IGFLR1: variants seen among roughly 807,000 people sequenced by gnomAD.
The protein encoded by IGFLR1 is IGF like family receptor 1.
IGFLR1 carries 17 observed loss-of-function variants against 23.4 expected under a neutral mutation model. The ratio of observed to expected loss-of-function variants is 0.73; its 90% CI spans 0.50 to 1.09. The LOEUF (loss-of-function observed/expected upper bound fraction) is 1.09, where lower values mean the gene tolerates loss of function less well. Ranked by LOEUF, IGFLR1 falls within the 50% of genes least tolerant of loss-of-function variation. The probability of loss-of-function intolerance (pLI) is 0.00; values close to 1 mark genes in which losing one functional copy is unlikely to be tolerated. For missense variants in IGFLR1, 556 were observed against 459.2 expected (o/e 1.21, Z -1.93); for synonymous variants, 265 against 210.7 (o/e 1.26, Z -2.23).
chr19:35,741,657 CAA>C (rs35356311), intron 1 of IGFLR1: 17,001 of 86,230 alleles, frequency 0.2, 1,224 homozygotes, highest in Middle Eastern at 0.44. Flanking sequence ...CCCATCTTTA[CAA>C]AAAAAAAAAA....
Position 35,740,540 on chromosome 19 carries a change from C to T in IGFLR1, c.182G>A (p.Gly61Glu), listed in dbSNP as rs979679876. ...CPDYEFRENCGLNDHGDFVTP... is the reference protein window; with the variant it reads ...CPDYEFRENCELNDHGDFVTP... ...TACGAAATCGCCGTGGTCATTGAGT[C>T]CGCAGTTTTCCCGGAACTCATAGTC... is the stretch of plus-strand genomic sequence containing the variant. Residue 61 changes from glycine (G) to glutamate (E), a missense_variant, in exon 3 of 5, where the codon GGA becomes GAA. Physicochemically the swap from Gly to Glu is moderately conservative, Grantham distance 98. Transcript: ENST00000246532. 1 of 1,609,326 alleles carries T rather than the reference C, an allele frequency of 6.2e-7. No individual in the cohort carries two copies.
At position 35,740,367 on chromosome 19, in the gene IGFLR1, G is replaced by A. The variant is rs1358443690; in HGVS notation, c.342+13C>T. 4.5e-6 allele frequency: 7 copies of A among 1,560,608 alleles called. No individual in the cohort carries two copies. Among genetic ancestry groups the A allele is most frequent in the Non-Finnish European group, 4.3e-6 (5 of 1,154,190 alleles). ...CCAGCACGCCCTTGCCCTGCCGGGA[G>A]TCCCATCTGCACCTCTCTGCAGCGC... On this transcript the variant is annotated intron_variant, in intron 3 of 4. Transcript: ENST00000246532.
chr19:35,740,565 C>G lies in IGFLR1; in HGVS notation c.158-1G>C. ...CCGCAGTTTTCCCGGAACTCATAGT[C>G]TAGCGGGAAAGCTGCGCTCCAGTGC... is the stretch of plus-strand genomic sequence containing the variant. On this transcript the variant is annotated splice_acceptor_variant, in intron 2 of 4. Transcript: ENST00000246532. LOFTEE classifies it high-confidence loss of function. The G allele has an allele frequency of 6.3e-7, 1 of 1,599,646 alleles. No homozygotes were observed. The highest frequency in any genetic ancestry group is 8.5e-7 in the Non-Finnish European group (1 of 1,172,090).
intron 2 of IGFLR1, 29 bp downstream of exon 2, chr19:35,740,995 C>A: frequency 6.2e-7 from 1 of 1,607,234 alleles, no homozygotes; most frequent in Non-Finnish European, 8.5e-7. Flanking sequence ...CAAGCTCCGC[C>A]CAAGCAAGGC....
At position 35,739,937 on chromosome 19, in the gene IGFLR1, A is replaced by G; in HGVS notation, c.494T>C (p.Val165Ala). The change falls in exon 4 of 5, where the codon GTG becomes GCG. Residue 165 changes from valine to alanine, a missense_variant. Coordinates refer to ENST00000246532, the MANE Select transcript of IGFLR1 (RefSeq NM_024660.4). ...QQAWPNFLPL[V>A]VLVLLLTLAV... is the part of the protein sequence containing the mutation. ...CAAGGTCAGGAGCAGGACCAGCACC[A>G]CGAGCGGAAGGAAATTCGGCCAGGC... The G allele has an allele frequency of 6.2e-7, 1 of 1,614,144 alleles. No homozygotes were observed. Among genetic ancestry groups the G allele is most frequent in the Non-Finnish European group, 8.5e-7 (1 of 1,180,020 alleles).
chr19:35,739,972 G>C lies in IGFLR1; in HGVS notation c.459C>G (p.Val153=), dbSNP rs1377900710. The C allele has an allele frequency of 1.9e-6, 3 of 1,614,032 alleles. No homozygotes were observed. The African/African-American group carries it at 4.0e-5, about 22-fold the overall frequency. ...GGAAATTCGGCCAGGCCTGCTGAGG[G>C]ACAGGCTCAGGGGTCCTCCAGGCAA... ...SSIAWRTPEP[V]PQQAWPNFLP... is the part of the protein sequence containing the mutation. Residue 153 remains valine (V), a synonymous_variant, in exon 4 of 5, where the codon GTC becomes GTG. Coordinates refer to ENST00000246532, the MANE Select transcript of IGFLR1 (RefSeq NM_024660.4).
In IGFLR1 at chr19:35,739,138, G is replaced by A. The variant is rs906255486; in HGVS notation, c.*142C>T. The A allele has an allele frequency of 2.2e-5, 18 of 821,182 alleles. No homozygotes were observed. The highest frequency in any genetic ancestry group is 2.1e-4 in the Admixed American group (7 of 33,920). 50.9% of individuals were successfully genotyped at this position (821,182 alleles called of 1,614,324 possible). On this transcript the variant is annotated 3_prime_UTR_variant, in exon 5 of 5. Transcript: ENST00000246532. Reference sequence around the variant, plus strand: ...AGCCCTCCCACATGTGGCCCTGTGTGTATGTTGGAATAGGCCCTTCTAGGG... The same window carrying A: ...AGCCCTCCCACATGTGGCCCTGTGTATATGTTGGAATAGGCCCTTCTAGGG...
intron 2 of IGFLR1, 64 bp downstream of exon 2, chr19:35,740,960 C>T (rs781355484): frequency 4.1e-5 from 63 of 1,521,804 alleles, no homozygotes; most frequent in Non-Finnish European, 5.3e-5. Context: ...ACAGACCTCG[C>T]CCCTTCCCCG....
In IGFLR1 at chr19:35,739,901, G is replaced by T; in HGVS notation, c.530C>A (p.Ala177Glu). ...LVLLLTLAVI[A>E]ILLFILLWHL... is the part of the protein sequence containing the mutation. Reference sequence around the variant, plus strand: ...CCAGAGCAGAATAAACAGGAGGATCGCTATCACCGCCAAGGTCAGGAGCAG... The same window carrying T: ...CCAGAGCAGAATAAACAGGAGGATCTCTATCACCGCCAAGGTCAGGAGCAG... The change falls in exon 4 of 5, where the codon GCG becomes GAG. Residue 177 changes from alanine to glutamate, a missense_variant. Coordinates refer to ENST00000246532, the MANE Select transcript of IGFLR1 (RefSeq NM_024660.4). 3 of 1,614,134 alleles carry T rather than the reference G, an allele frequency of 1.9e-6. No individual in the cohort carries two copies. The highest frequency in any genetic ancestry group is 2.5e-6 in the Non-Finnish European group (3 of 1,180,012).
rs750696865 is a variant in IGFLR1 at position 35,739,781 on chromosome 19, AGATGCGAGGAGGAAGG to A, written c.634_649del (p.Pro212CysfsTer22). 1 of 1,569,992 alleles carries A rather than the reference AGATGCGAGGAGGAAGG, an allele frequency of 6.4e-7. No homozygotes were observed. The highest frequency in any genetic ancestry group is 1.8e-5 in the Admixed American group (1 of 56,730). ...TGTCTCCAGGGCGCCTGGGGAGGACAGATGCGAGGAGGAAGGGGTGTGGGTGTTGGGGACTCCGCAG... is the reference window on the plus strand; with the variant it reads ...TGTCTCCAGGGCGCCTGGGGAGGACAGGTGTGGGTGTTGGGGACTCCGCAG... On this transcript the variant is annotated frameshift_variant, in exon 4 of 5. Transcript: ENST00000246532. LOFTEE classifies it high-confidence loss of function.
Position 35,742,421 on chromosome 19 carries a change from G to A in IGFLR1, c.-69C>T. 1 of 1,534,532 alleles carries A rather than the reference G, an allele frequency of 6.5e-7. No homozygotes were observed. Among genetic ancestry groups the A allele is most frequent in the Non-Finnish European group, 8.7e-7 (1 of 1,145,958 alleles). On this transcript the variant is annotated 5_prime_UTR_variant, in exon 1 of 5. Transcript: ENST00000246532. ...CGTTAGGGTCCTGGGTCCCAAGCTGGCCGTGCCAAGTTCCTCAGCTGAAGT... is the reference window on the plus strand; with the variant it reads ...CGTTAGGGTCCTGGGTCCCAAGCTGACCGTGCCAAGTTCCTCAGCTGAAGT...
In IGFLR1 at chr19:35,740,547, T is replaced by A; in HGVS notation, c.175A>T (p.Asn59Tyr). The A allele has an allele frequency of 1.2e-6, 2 of 1,608,248 alleles. No individual in the cohort carries two copies. The highest frequency in any genetic ancestry group is 1.7e-6 in the Non-Finnish European group (2 of 1,177,744). ...TCGCCGTGGTCATTGAGTCCGCAGT[T>A]TTCCCGGAACTCATAGTCTAGCGGG... The part of the protein sequence containing the change: ...PPCPDYEFRE[N>Y]CGLNDHGDFV... Residue 59 changes from asparagine (N) to tyrosine (Y), a missense_variant, in exon 3 of 5, where the codon AAC becomes TAC. Transcript: ENST00000246532.
chr19:35,742,359 G>A, intron 1 of IGFLR1, 37 bp downstream of exon 1: 2 of 1,477,582 alleles, frequency 1.4e-6, no homozygotes, highest in Non-Finnish European at 1.8e-6. Context: ...GAGGTGCTAA[G>A]GTTTTCAGCA....
chr19:35,742,348 G>A, intron 1 of IGFLR1, 48 bp downstream of exon 1: 1 of 1,412,144 alleles, frequency 7.1e-7, no homozygotes, highest in Non-Finnish European at 9.4e-7. Flanking sequence ...AGCCTCAGAT[G>A]GAGGTGCTAA....
chr19:35,742,343 C>A, intron 1 of IGFLR1, 53 bp downstream of exon 1: 1 of 1,398,862 alleles, frequency 7.1e-7, no homozygotes, highest in Non-Finnish European at 9.5e-7. Context: ...GAATAAGCCT[C>A]AGATGGAGGT....
At chr19:35,742,097 G>C (rs958367646) in intron 1 of IGFLR1, among the ~76,000 whole-genome samples, 1 of 152,176 alleles carries the variant, frequency 6.6e-6, no homozygotes, top group African/African-American at 2.4e-5. Context: ...CAACAGGAAT[G>C]AAACTCCTTA....
intron 1 of IGFLR1, 119 bp from the exon 2 acceptor site, chr19:35,741,342 G>T: frequency 9.7e-7 from 1 of 1,026,404 alleles, no homozygotes; most frequent in Non-Finnish European, 1.4e-6. Context: ...CAACTGAGCC[G>T]GTTATCAGAG....
rs1217992139 is a variant in IGFLR1, at chr19:35,740,108, G to A, written c.343-20C>T. 2 of 1,594,592 alleles carry A rather than the reference G, an allele frequency of 1.3e-6. No homozygotes were observed. Among genetic ancestry groups the A allele is most frequent in the Non-Finnish European group, 1.7e-6 (2 of 1,172,362 alleles). On this transcript the variant is annotated intron_variant, in intron 3 of 4. Coordinates refer to ENST00000246532, the MANE Select transcript of IGFLR1 (RefSeq NM_024660.4). ...CGGCCTCTGGGGATAAGGGGTTGGA[G>A]TAAAGCTGGAGGCCACACTCCACTC...
At chr19:35,741,655 T>TAC (rs566088033) in intron 1 of IGFLR1, 2 of 9,902 alleles carry the variant, frequency 2.0e-4, no homozygotes, top group African/African-American at 1.2e-3. Context: ...ACCCCATCTT[T>TAC]ACAAAAAAAA....
Sources: allele counts gnomAD v4.1 joint callset (sites outside exome capture counted in the v4.1 genomes callset), GRCh38; gene constraint gnomAD v4.1.1; transcripts MANE v1.5; gene names NCBI Gene and HGNC (gene_info 2026-07-23, HGNC 2026-07-21).